DPP10: variants seen among roughly 807,000 people sequenced by gnomAD.
DPP10 encodes inactive dipeptidyl peptidase 10.
DPP10 carries 33 observed loss-of-function variants against 120.9 expected under a neutral mutation model. The observed-to-expected ratio is 0.27, with a 90% CI of 0.21 to 0.37. DPP10 has a LOEUF of 0.37. DPP10 is among the 10% of genes least tolerant of loss of function. The probability of loss-of-function intolerance (pLI) is 1.00; values close to 1 mark genes in which losing one functional copy is unlikely to be tolerated. For synonymous variants in DPP10, 337 were observed against 326.1 expected (o/e 1.03, Z -0.36); for missense variants, 816 against 942.8 (o/e 0.87, Z 1.76).
chr2:115,687,430 C>G (rs1298085567), intron 5 of DPP10, among the ~76,000 whole-genome samples: 1 of 151,584 alleles, frequency 6.6e-6, no homozygotes, highest in Non-Finnish European at 1.5e-5. Flanking sequence ...GAGTAAAGGG[C>G]TAGGTTCTAA....
chr2:115,678,085 A>G (rs2090400131), intron 5 of DPP10, among the ~76,000 whole-genome samples: 1 of 152,236 alleles, frequency 6.6e-6, no homozygotes, highest in Admixed American at 6.5e-5. Context: ...AGAGCATAAA[A>G]CTTTAGAAAA....
intron 1 of DPP10, among the ~76,000 whole-genome samples, chr2:114,651,958 G>A (rs1287626319): frequency 6.6e-6 from 1 of 152,156 alleles, no homozygotes; most frequent in African/African-American, 2.4e-5. Flanking sequence ...AATCTGGGAT[G>A]TCTCTGAAAT....
chr2:115,790,262 G>A (rs938230729), intron 17 of DPP10, among the ~76,000 whole-genome samples: 1 of 151,616 alleles, frequency 6.6e-6, no homozygotes, highest in Non-Finnish European at 1.5e-5. Flanking sequence ...TGTATTTTTA[G>A]TAGAGACGGG....
chr2:114,533,259 G>A (rs1220246359), intron 1 of DPP10, among the ~76,000 whole-genome samples: 1 of 152,066 alleles, frequency 6.6e-6, no homozygotes. Flanking sequence ...ATTTTATGGT[G>A]CTCCATAGAT....
intron 5 of DPP10, among the ~76,000 whole-genome samples, chr2:115,574,161 C>A (rs2081517336): frequency 1.3e-5 from 2 of 152,086 alleles, no homozygotes. Flanking sequence ...CACCCTAGAC[C>A]CTGTCTTTCC....
At chr2:114,799,904 T>G (rs1225650891) in intron 1 of DPP10, among the ~76,000 whole-genome samples, 1 of 152,254 alleles carries the variant, frequency 6.6e-6, no homozygotes, top group South Asian at 2.1e-4. Context: ...TCATTCTTCA[T>G]TTAATATAAT....
chr2:115,126,106 T>C (rs181659584), intron 1 of DPP10, among the ~76,000 whole-genome samples: 10 of 152,326 alleles, frequency 6.6e-5, no homozygotes, highest in African/African-American at 2.2e-4. Context: ...TATAGTACTT[T>C]ATTGTACTCA....
intron 21 of DPP10, among the ~76,000 whole-genome samples, chr2:115,828,929 G>C (rs573451587): frequency 6.6e-6 from 1 of 151,820 alleles, no homozygotes; most frequent in Non-Finnish European, 1.5e-5. Context: ...ATATATATTT[G>C]TTTCCTTGTT....
chr2:114,958,908 C>T (rs756644624), intron 1 of DPP10, among the ~76,000 whole-genome samples: 2 of 152,100 alleles, frequency 1.3e-5, no homozygotes, highest in South Asian at 2.1e-4. Flanking sequence ...AAGGGGGTAA[C>T]TCATTGATGT....
chr2:115,062,123 C>T (rs1016273363), intron 1 of DPP10, among the ~76,000 whole-genome samples: 2 of 135,650 alleles, frequency 1.5e-5, no homozygotes, highest in African/African-American at 5.8e-5. Context: ...TTTAAGATTA[C>T]AGTTCTGTGT....
intron 1 of DPP10, among the ~76,000 whole-genome samples, chr2:114,700,203 G>C (rs956419011): frequency 6.6e-6 from 1 of 151,976 alleles, no homozygotes; most frequent in African/African-American, 2.4e-5. Context: ...CTCCAGGCAG[G>C]GGGGAAAGCA....
intron 5 of DPP10, among the ~76,000 whole-genome samples, chr2:115,563,689 G>A (rs939516673): frequency 6.6e-6 from 1 of 152,064 alleles, no homozygotes; most frequent in African/African-American, 2.4e-5. Flanking sequence ...CTACCTCTTC[G>A]TAAGGAAATA....
At chr2:115,306,159 T>G (rs886884965) in intron 1 of DPP10, among the ~76,000 whole-genome samples, 1 of 151,924 alleles carries the variant, frequency 6.6e-6, no homozygotes, top group Non-Finnish European at 1.5e-5. Flanking sequence ...AGTAGCGGAG[T>G]TGGATTCAAA....
chr2:115,708,721 A>C (rs1401317179), intron 7 of DPP10, among the ~76,000 whole-genome samples: 1 of 152,120 alleles, frequency 6.6e-6, no homozygotes, highest in Non-Finnish European at 1.5e-5. Flanking sequence ...ATTTGTAAAC[A>C]TACTAATAAT....
At chr2:114,523,314 G>C (rs1438631567) in intron 1 of DPP10, among the ~76,000 whole-genome samples, 1 of 152,142 alleles carries the variant, frequency 6.6e-6, no homozygotes, top group African/African-American at 2.4e-5. Flanking sequence ...GGATAAATAG[G>C]GGTGTAACTT....
intron 10 of DPP10, among the ~76,000 whole-genome samples, chr2:115,748,230 T>G (rs201211277): frequency 3.5e-5 from 1 of 28,790 alleles, no homozygotes; most frequent in Admixed American, 5.7e-4. Flanking sequence ...TGTTTATGGG[T>G]TTTTTTTTTT....
At chr2:115,048,758 G>T (rs1344154562) in intron 1 of DPP10, among the ~76,000 whole-genome samples, 1 of 151,908 alleles carries the variant, frequency 6.6e-6, no homozygotes, top group African/African-American at 2.4e-5. Context: ...CACTTTACCA[G>T]CATGTATTGA....
intron 1 of DPP10, among the ~76,000 whole-genome samples, chr2:115,259,005 C>G (rs2059131097): frequency 6.6e-6 from 1 of 152,238 alleles, no homozygotes; most frequent in Non-Finnish European, 1.5e-5. Flanking sequence ...AAAGTTAAGT[C>G]ATTTCTCTTT....
chr2:115,146,076 T>C (rs1164256640), intron 1 of DPP10, among the ~76,000 whole-genome samples: 1 of 152,038 alleles, frequency 6.6e-6, no homozygotes, highest in African/African-American at 2.4e-5. Flanking sequence ...AGGAAAAAAA[T>C]CCTGAAGTTG....
Sources: allele counts gnomAD v4.1 joint callset (sites outside exome capture counted in the v4.1 genomes callset), GRCh38; gene constraint gnomAD v4.1.1; transcripts MANE v1.5; gene names NCBI Gene and HGNC (gene_info 2026-07-23, HGNC 2026-07-21).